Variants in PAN3 observed in about 807,000 individuals in gnomAD.
PAN3 encodes the protein PAN2-PAN3 deadenylation complex subunit PAN3.
Under a neutral mutation model 96.2 loss-of-function variants are expected in PAN3, and 19 were observed. The ratio of observed to expected loss-of-function variants is 0.20; its 90% CI spans 0.14 to 0.29. The LOEUF is 0.29. PAN3 is among the 10% of genes least tolerant of loss of function. PAN3 has a pLI of 1.00. For synonymous variants in PAN3, 433 were observed against 406.6 expected, an observed-to-expected ratio of 1.06 and a Z score of -0.78; for missense variants, 882 against 1,108.1, an observed-to-expected ratio of 0.80 and a Z score of 2.90.
chr13:28,272,071 G>C lies in PAN3; in HGVS notation c.2049G>C (p.Gln683His). The change falls in exon 14 of 19, where the codon CAG becomes CAC. Residue 683 changes from glutamine to histidine, a missense_variant and splice_region_variant. Transcript: ENST00000380958. ...NNPLALMAQY[Q>H]QADLISLGKV... ...CATTGGCATTAATGGCCCAGTACCA[G>C]GTGAGTAAGAATTAACATGGATATT... 1 of 1,530,892 alleles carries C rather than the reference G, an allele frequency of 6.5e-7. No individual in the cohort carries two copies. Among genetic ancestry groups the C allele is most frequent in the Non-Finnish European group, 8.9e-7 (1 of 1,119,012 alleles). 94.8% of individuals were successfully genotyped at this position (1,530,892 alleles called of 1,614,324 possible).
At chr13:28,170,489 A>G (rs558444530) in intron 1 of PAN3, among the ~76,000 whole-genome samples, 48 of 152,330 alleles carry the variant, frequency 3.2e-4, no homozygotes, top group African/African-American at 1.1e-3. Context: ...TAATTGTTCT[A>G]TTGGCTTGTA....
intron 1 of PAN3, among the ~76,000 whole-genome samples, chr13:28,143,282 G>T (rs1027607613): frequency 1.4e-4 from 22 of 151,946 alleles, no homozygotes; most frequent in African/African-American, 5.3e-4. Flanking sequence ...TGTTAGTCTT[G>T]GGATTTTTCT....
intron 1 of PAN3, among the ~76,000 whole-genome samples, chr13:28,149,237 C>T (rs1030312768): frequency 1.3e-5 from 2 of 151,936 alleles, no homozygotes; most frequent in African/African-American, 4.8e-5. Flanking sequence ...ACCTGTAGTC[C>T]CAGCTACTCA....
At chr13:28,260,581 C>T in intron 8 of PAN3, 30 bp downstream of exon 8, 1 of 1,514,008 alleles carries the variant, frequency 6.6e-7, no homozygotes. Flanking sequence ...AGTAGGAATA[C>T]TTAATGTCTC....
At chr13:28,259,393 A>G (rs1477370273) in intron 7 of PAN3, among the ~76,000 whole-genome samples, 2 of 148,988 alleles carry the variant, frequency 1.3e-5, no homozygotes, top group African/African-American at 4.9e-5. Flanking sequence ...TGCAACCTCC[A>G]CCTCCGGGTT....
rs763204992 is a variant in PAN3 at position 28,235,722 on chromosome 13, C to CACAT, written c.1000+15345_1000+15346insCATA. On this transcript the variant is annotated intron_variant, in intron 6 of 18. Coordinates refer to ENST00000380958, the MANE Select transcript of PAN3 (RefSeq NM_175854.8). Reference sequence around the variant, plus strand: ...ACACACACACACACACACACACACACATATATATATATATGTATTTATTTT... The same window carrying CACAT: ...ACACACACACACACACACACACACACACATATATATATATATATGTATTTATTTT... 9.3e-3 allele frequency among the ~76,000 whole-genome samples: 1,384 copies of CACAT among 148,978 alleles called. 5 individuals carry two copies. Among genetic ancestry groups the CACAT allele is most frequent in the Non-Finnish European group, 0.012 (824 of 67,138 alleles).
At chr13:28,235,682 T>TACACACACATACACACACAC (rs1555285729) in intron 6 of PAN3, among the ~76,000 whole-genome samples, 10 of 123,500 alleles carry the variant, frequency 8.1e-5, no homozygotes, top group African/African-American at 3.1e-4. Flanking sequence ...TTCTCTAATA[T>TACACACACATACACACACAC]ACACACACAC....
intron 4 of PAN3, 87 bp from the exon 5 acceptor site, chr13:28,197,098 C>G: frequency 7.0e-7 from 1 of 1,422,862 alleles, no homozygotes; most frequent in Non-Finnish European, 9.3e-7. Context: ...CCACCGTTCC[C>G]AGTATCCTGT....
chr13:28,264,882 C>G (rs1487985368), intron 9 of PAN3, among the ~76,000 whole-genome samples: 2 of 152,136 alleles, frequency 1.3e-5, no homozygotes, highest in African/African-American at 4.8e-5. Flanking sequence ...CAGGTGGTGA[C>G]GTTTAAGAAC....
chr13:28,138,630 C>T lies in PAN3; in HGVS notation c.-28C>T. On this transcript the variant is annotated 5_prime_UTR_variant, in exon 1 of 19. Coordinates refer to ENST00000380958, the MANE Select transcript of PAN3 (RefSeq NM_175854.8). Reference sequence around the variant, plus strand: ...GTGGCGGCGGCGGCTCCTCGGGCGGCGGCGGAAGACGAGGCTGCGGCGTTG... The same window carrying T: ...GTGGCGGCGGCGGCTCCTCGGGCGGTGGCGGAAGACGAGGCTGCGGCGTTG... 1 of 524,616 alleles carries T rather than the reference C, an allele frequency of 1.9e-6. No individual in the cohort carries two copies. The highest frequency in any genetic ancestry group is 3.1e-6 in the Non-Finnish European group (1 of 320,492). The allele number at this position is 524,616 out of a possible 1,614,324, so 32.5% of individuals were successfully genotyped here.
At chr13:28,198,338 A>G (rs1160718504) in intron 5 of PAN3, among the ~76,000 whole-genome samples, 2 of 152,004 alleles carry the variant, frequency 1.3e-5, no homozygotes, top group Non-Finnish European at 2.9e-5. Flanking sequence ...AGTCACATTT[A>G]TTTGGAAATC....
chr13:28,155,886 T>G (rs7327508), intron 1 of PAN3, among the ~76,000 whole-genome samples: 18,667 of 152,126 alleles, frequency 0.12, 1,316 homozygotes, highest in East Asian at 0.33. Context: ...GGAAGCTCTA[T>G]TCATAGTTTT....
intron 13 of PAN3, 63 bp downstream of exon 13, chr13:28,270,929 C>T (rs1886570587): frequency 6.9e-7 from 1 of 1,439,950 alleles, no homozygotes; most frequent in Non-Finnish European, 9.5e-7. Flanking sequence ...GCTTAGTAAA[C>T]AAAACATGAT....
At chr13:28,157,736 C>A (rs971359255) in intron 1 of PAN3, among the ~76,000 whole-genome samples, 1 of 152,180 alleles carries the variant, frequency 6.6e-6, no homozygotes, top group Non-Finnish European at 1.5e-5. Flanking sequence ...ATTCGATGCT[C>A]ATGGATAGGA....
rs1321051815 is a variant in PAN3 at position 28,280,318 on chromosome 13, A to C, written c.2190-94A>C. 2.9e-6 allele frequency: 4 copies of C among 1,393,696 alleles called. No homozygotes were observed. In the African/African-American group the frequency reaches 5.9e-5, roughly 20 times the overall value. The allele number at this position is 1,393,696 out of a possible 1,614,324, so 86.3% of individuals were successfully genotyped here. A position where few individuals can be genotyped will look rare whatever the true frequency, so the allele number is the denominator to read the frequency against. The stretch of plus-strand genomic sequence containing the variant: ...AAATGTTTTCAAAATTTTGTGTGCT[A>C]AGATGACGGCAGCCAAAACAGCTAT... On this transcript the variant is annotated intron_variant, in intron 15 of 18. Coordinates refer to ENST00000380958, the MANE Select transcript of PAN3 (RefSeq NM_175854.8).
intron 5 of PAN3, among the ~76,000 whole-genome samples, chr13:28,218,056 C>G (rs976772352): frequency 1.3e-5 from 2 of 151,800 alleles, no homozygotes; most frequent in Non-Finnish European, 2.9e-5. Flanking sequence ...AAAAATTATT[C>G]TTAACATGTT....
Position 28,219,599 on chromosome 13 carries a change from A to C in PAN3, c.853-632A>C, listed in dbSNP as rs985945641. 3.9e-5 allele frequency among the ~76,000 whole-genome samples: 6 copies of C among 152,236 alleles called. No homozygotes were observed. In the East Asian group the frequency reaches 5.8e-4, roughly 15 times the overall value. On this transcript the variant is annotated intron_variant, in intron 5 of 18. Coordinates refer to ENST00000380958, the MANE Select transcript of PAN3 (RefSeq NM_175854.8). ...ATATAAAGAGTTGTAGCATAGTACC[A>C]CTGTGAAAAAGGTGTTTTCCGTGTA... is the stretch of plus-strand genomic sequence containing the variant.
chr13:28,235,696 TACAC>T (rs34812975), intron 6 of PAN3, among the ~76,000 whole-genome samples: 22 of 140,628 alleles, frequency 1.6e-4, no homozygotes, highest in Admixed American at 4.3e-4. Context: ...CACACACACA[TACAC>T]ACACACACAC....
chr13:28,176,627 A>ATT, intron 3 of PAN3, 68 bp downstream of exon 3: 2 of 1,444,610 alleles, frequency 1.4e-6, no homozygotes, highest in Middle Eastern at 3.6e-4. Context: ...GTAATATACA[A>ATT]CCATTGTAGA....
Sources: allele counts gnomAD v4.1 joint callset (sites outside exome capture counted in the v4.1 genomes callset), GRCh38; gene constraint gnomAD v4.1.1; transcripts MANE v1.5; gene names NCBI Gene and HGNC (gene_info 2026-07-23, HGNC 2026-07-21).